The following GRTP1 variants were observed in gnomAD, a reference collection of about 807,000 sequenced individuals.
GRTP1 encodes the protein growth hormone regulated TBC protein 1, also known as growth hormone-regulated TBC protein 1.
GRTP1 carries 56 observed loss-of-function variants against 38.1 expected under a neutral mutation model. The ratio of observed to expected loss-of-function variants is 1.47; its 90% confidence interval spans 1.19 to 1.84. The LOEUF is 1.84. GRTP1 is among the 40% of genes most tolerant of loss of function. The pLI, the probability that GRTP1 is intolerant of heterozygous loss-of-function variation, is 0.00. For synonymous variants in GRTP1, 217 were observed against 189.5 expected, an observed-to-expected ratio of 1.14 and a Z score of -1.19; for missense variants, 506 against 453.9, an observed-to-expected ratio of 1.11 and a Z score of -1.04.
chr13:113,352,309 ATATTTTATATATATT>A (rs1384909408), intron 3 of GRTP1, among the ~76,000 whole-genome samples: 519 of 51,320 alleles, frequency 0.01, 4 homozygotes, highest in African/African-American at 0.022. Context: ...TATTTTATAT[ATATTTTATATATATT>A]TTTATATATA....
chr13:113,345,848 A>G (rs562758518), intron 4 of GRTP1, among the ~76,000 whole-genome samples: 1 of 152,360 alleles, frequency 6.6e-6, no homozygotes, highest in Non-Finnish European at 1.5e-5. Context: ...TCAAAAAGCA[A>G]AAGTAACCAG....
At chr13:113,363,641 T>A in intron 2 of GRTP1, 121 bp downstream of exon 2, 1 of 1,061,128 alleles carries the variant, frequency 9.4e-7, no homozygotes, top group Admixed American at 2.6e-5. Context: ...CGCAGCTTCG[T>A]CCCGACCTGC....
chr13:113,326,918 G>A (rs2042783410), intron 5 of GRTP1, among the ~76,000 whole-genome samples: 1 of 152,208 alleles, frequency 6.6e-6, no homozygotes. Flanking sequence ...GTTCAGTCTG[G>A]GAAGATGAAA....
intron 5 of GRTP1, among the ~76,000 whole-genome samples, chr13:113,331,050 C>A (rs2042862913): frequency 6.6e-6 from 1 of 150,766 alleles, no homozygotes; most frequent in Admixed American, 6.6e-5. Flanking sequence ...GCATGGGAGC[C>A]CAGGTGCGTG....
rs1391241362 is a variant in GRTP1, at chr13:113,342,560, A to G, written c.562+2303T>C. On this transcript the variant is annotated intron_variant, in intron 5 of 7. Transcript: ENST00000375431. The surrounding 1 kb of genome is among the most constrained non-coding windows in gnomAD (Gnocchi z 4.5). Reference sequence around the variant, plus strand: ...TTCTGAAATGAGAATATATCTGTGTATTTCTTGTATAACTTAAAAGCAGCA... The same window carrying G: ...TTCTGAAATGAGAATATATCTGTGTGTTTCTTGTATAACTTAAAAGCAGCA... 1.3e-5 allele frequency among the ~76,000 whole-genome samples: 2 copies of G among 152,100 alleles called. No homozygotes were observed. Among genetic ancestry groups the G allele is most frequent in the Non-Finnish European group, 2.9e-5 (2 of 68,024 alleles).
At chr13:113,363,202 C>A (rs1030816181) in intron 2 of GRTP1, among the ~76,000 whole-genome samples, 1 of 152,172 alleles carries the variant, frequency 6.6e-6, no homozygotes, top group Admixed American at 6.5e-5. Context: ...GCAGGTCGAG[C>A]AGGGCCCTGT....
At chr13:113,332,740 C>T (rs1326818961) in intron 5 of GRTP1, among the ~76,000 whole-genome samples, 3 of 152,236 alleles carry the variant, frequency 2.0e-5, no homozygotes, top group Non-Finnish European at 1.5e-5. Context: ...GAGAAACAGG[C>T]GGGTCCAGGT....
chr13:113,335,597 A>G (rs898671935), intron 5 of GRTP1, among the ~76,000 whole-genome samples: 5 of 152,016 alleles, frequency 3.3e-5, no homozygotes, highest in African/African-American at 1.2e-4. Flanking sequence ...GTAGGTCTGT[A>G]ACCATTAACG....
intron 4 of GRTP1, among the ~76,000 whole-genome samples, chr13:113,345,870 T>C (rs947265033): frequency 2.3e-4 from 35 of 152,116 alleles, no homozygotes; most frequent in African/African-American, 8.2e-4. Context: ...GCAGAGAAGA[T>C]CATGTTCCAG....
intron 5 of GRTP1, among the ~76,000 whole-genome samples, chr13:113,328,009 G>C (rs1258632145): frequency 1.3e-5 from 2 of 152,254 alleles, no homozygotes; most frequent in African/African-American, 2.4e-5. Flanking sequence ...TAAAGCCGCA[G>C]CTTCTTTCCC....
chr13:113,356,867 C>CT (rs1050735937), intron 2 of GRTP1, among the ~76,000 whole-genome samples: 1 of 152,176 alleles, frequency 6.6e-6, no homozygotes, highest in Non-Finnish European at 1.5e-5. Context: ...AGGACAGGCC[C>CT]TTGTCTGTCC....
At position 113,355,336 on chromosome 13, in the gene GRTP1, G is replaced by A; in HGVS notation, c.327C>T (p.Asp109=). 2 of 1,614,020 alleles carry A rather than the reference G, an allele frequency of 1.2e-6. No homozygotes were observed. The highest frequency in any genetic ancestry group is 1.7e-6 in the Non-Finnish European group (2 of 1,179,966). The change falls in exon 3 of 8, where the codon GAC becomes GAT. Residue 109 remains aspartate, a synonymous_variant. Coordinates refer to ENST00000375431, the MANE Select transcript of GRTP1 (RefSeq NM_024719.4). ...LQGERNPRLE[D]AIRTDLNRTF... is the part of the protein sequence containing the mutation. ...CCACCGCCTCACCTGTCCTGATGGC[G>A]TCCTCCAGCCTGGGGTTTCTCTCTC... is the stretch of plus-strand genomic sequence containing the variant.
chr13:113,344,979 A>G lies in GRTP1; in HGVS notation c.466-20T>C, dbSNP rs974814036. 1.3e-6 allele frequency: 2 copies of G among 1,586,440 alleles called. No homozygotes were observed. The highest frequency in any genetic ancestry group is 2.7e-5 in the African/African-American group (2 of 73,828). ...CATTCCCTGAAATTAGAAAAATGAG[A>G]AACAAATTCACATTGAGTTTTAAGC... On this transcript the variant is annotated intron_variant, in intron 4 of 7. Coordinates refer to ENST00000375431, the MANE Select transcript of GRTP1 (RefSeq NM_024719.4).
At position 113,324,531 on chromosome 13, in the gene GRTP1, T is replaced by C. The variant is rs777777827; in HGVS notation, c.968A>G (p.Lys323Arg). The C allele has an allele frequency of 1.2e-6, 2 of 1,612,086 alleles. No individual in the cohort carries two copies. Among genetic ancestry groups the C allele is most frequent in the Non-Finnish European group, 1.7e-6 (2 of 1,179,252 alleles). The change falls in exon 8 of 8, where the codon AAG (lysine) becomes AGG (arginine). Residue 323 changes from lysine to arginine, a missense_variant. By Grantham distance (26) the Lys-to-Arg change is conservative. Coordinates refer to ENST00000375431, the MANE Select transcript of GRTP1 (RefSeq NM_024719.4). ...CCGGGCCCTGCAGCTCTCGCGGAGC[T>C]TGGCGACGGTGGCCATGGATAAGCT... ...PGSLSMATVA[K>R]LRESCRARLL...
chr13:113,357,752 C>T (rs1409198081), intron 2 of GRTP1, among the ~76,000 whole-genome samples: 1 of 152,158 alleles, frequency 6.6e-6, no homozygotes, highest in African/African-American at 2.4e-5. Context: ...CTGTGCTATA[C>T]AACAGCAGGA....
In GRTP1 at chr13:113,324,479, C is replaced by T; in HGVS notation, c.*9G>A. ...GTGTAGAGACGAGCAACGCAGGGGA[C>T]AGGCACGCTCACCCCTGTGCCAGCA... On this transcript the variant is annotated 3_prime_UTR_variant, in exon 8 of 8. Transcript: ENST00000375431. The T allele has an allele frequency of 1.2e-6, 2 of 1,602,580 alleles. No individual in the cohort carries two copies. Among genetic ancestry groups the T allele is most frequent in the Non-Finnish European group, 1.7e-6 (2 of 1,175,000 alleles).
intron 2 of GRTP1, among the ~76,000 whole-genome samples, chr13:113,359,112 G>A (rs1165188197): frequency 6.6e-6 from 1 of 152,174 alleles, no homozygotes; most frequent in Non-Finnish European, 1.5e-5. Flanking sequence ...GATCTCCAAC[G>A]CATTAGGTGA....
intron 3 of GRTP1, among the ~76,000 whole-genome samples, chr13:113,352,290 A>T (rs1436048023): frequency 5.3e-3 from 257 of 48,402 alleles, no homozygotes; most frequent in Non-Finnish European, 7.5e-3. Context: ...ATTTATATAT[A>T]TTTATATATA....
At chr13:113,329,290 C>T (rs920171366) in intron 5 of GRTP1, among the ~76,000 whole-genome samples, 2 of 152,110 alleles carry the variant, frequency 1.3e-5, no homozygotes, top group African/African-American at 2.4e-5. Context: ...TAAAAATTAC[C>T]GCATTGGCCG....
Sources: allele counts gnomAD v4.1 joint callset (sites outside exome capture counted in the v4.1 genomes callset), GRCh38; gene constraint gnomAD v4.1.1; non-coding constraint Gnocchi (gnomAD v3.1); transcripts MANE v1.5; gene names NCBI Gene and HGNC (gene_info 2026-07-23, HGNC 2026-07-21).